Variants in AKAP6 observed in about 807,000 individuals in gnomAD.
AKAP6 encodes the protein A-kinase anchor protein 6.
Under a neutral mutation model 188.5 loss-of-function variants are expected in AKAP6, and 58 were observed. That is an observed-to-expected ratio of 0.31 (90% confidence interval 0.25 to 0.38). AKAP6 has a LOEUF of 0.38. Ranked by LOEUF, AKAP6 falls within the 10% of genes least tolerant of loss-of-function variation. The pLI, the probability that AKAP6 is intolerant of heterozygous loss-of-function variation, is 1.00. For missense variants in AKAP6, 2,710 were observed against 2,740.0 expected, an observed-to-expected ratio of 0.99 and a Z score of 0.24; for synonymous variants, 989 against 998.6, an observed-to-expected ratio of 0.99 and a Z score of 0.18.
At chr14:32,771,251 T>A (rs1055565662) in intron 11 of AKAP6, among the ~76,000 whole-genome samples, 2 of 151,674 alleles carry the variant, frequency 1.3e-5, no homozygotes, top group African/African-American at 4.8e-5. Flanking sequence ...AATTTTCCCC[T>A]CCTTTTTAAA....
At chr14:32,591,484 A>AG (rs1007609875) in intron 5 of AKAP6, among the ~76,000 whole-genome samples, 1 of 151,996 alleles carries the variant, frequency 6.6e-6, no homozygotes, top group African/African-American at 2.4e-5. Context: ...AAAAAAAAAA[A>AG]AAAGCAACTG....
intron 7 of AKAP6, among the ~76,000 whole-genome samples, chr14:32,660,650 T>C (rs1218238524): frequency 6.6e-6 from 1 of 152,216 alleles, no homozygotes; most frequent in East Asian, 1.9e-4. Flanking sequence ...TAAAGGAGTT[T>C]GTGAGGCCTA....
At chr14:32,347,738 T>C (rs1944189611) in intron 1 of AKAP6, among the ~76,000 whole-genome samples, 1 of 152,212 alleles carries the variant, frequency 6.6e-6, no homozygotes, top group South Asian at 2.1e-4. Flanking sequence ...AATGCTGACC[T>C]CTTGGGATTG....
chr14:32,752,931 GTTTAT>G (rs1251207890), intron 11 of AKAP6, among the ~76,000 whole-genome samples: 2 of 151,930 alleles, frequency 1.3e-5, no homozygotes, highest in Non-Finnish European at 2.9e-5. Context: ...GTATGAATGT[GTTTAT>G]CCCACATTTT....
chr14:32,660,937 C>CG (rs1888672091), intron 7 of AKAP6, among the ~76,000 whole-genome samples: 2 of 121,562 alleles, frequency 1.6e-5, no homozygotes, highest in Non-Finnish European at 1.7e-5. Flanking sequence ...CCCCCCCCTC[C>CG]CAATTCCAGC....
In AKAP6 at chr14:32,831,439, G is replaced by A. The variant is rs2034817682; in HGVS notation, c.*1634G>A. The A allele has an allele frequency of 6.6e-6, 1 of 152,134 alleles. No individual in the cohort carries two copies. The allele number at this position is 152,134 out of a possible 1,614,324, so 9.4% of individuals were successfully genotyped here. ...AGAAAGAGGTACAATGCAATATAAA[G>A]TCACAATAGATAATATATATCAAAT... On this transcript the variant is annotated 3_prime_UTR_variant, in exon 14 of 14. Transcript: ENST00000280979.
chr14:32,392,891 C>T (rs2025261), intron 1 of AKAP6, among the ~76,000 whole-genome samples: 116,052 of 152,036 alleles, frequency 0.76, 47,041 homozygotes, highest in Non-Finnish European at 0.89. Context: ...TTTCTTCTTA[C>T]AGTAGAACTC....
At chr14:32,755,645 AG>A (rs1299448548) in intron 11 of AKAP6, among the ~76,000 whole-genome samples, 1 of 151,938 alleles carries the variant, frequency 6.6e-6, no homozygotes, top group Non-Finnish European at 1.5e-5. Flanking sequence ...CCTCCACCTT[AG>A]CCTCCTGAGT....
intron 5 of AKAP6, among the ~76,000 whole-genome samples, chr14:32,597,703 A>G (rs1049975275): frequency 6.6e-6 from 1 of 152,192 alleles, no homozygotes; most frequent in Non-Finnish European, 1.5e-5. Context: ...ACTTTCTGTT[A>G]TATTGGCTGC....
intron 1 of AKAP6, among the ~76,000 whole-genome samples, chr14:32,351,253 G>T (rs10136452): frequency 0.29 from 44,607 of 152,004 alleles, 6,895 homozygotes; most frequent in East Asian, 0.4. Context: ...TCCTAAATTT[G>T]TGTTATATTA....
intron 4 of AKAP6, among the ~76,000 whole-genome samples, chr14:32,562,253 CAT>C (rs949942992): frequency 6.6e-6 from 1 of 151,902 alleles, no homozygotes; most frequent in African/African-American, 2.4e-5. Context: ...AGATGATACT[CAT>C]ATTTTTGGAT....
intron 7 of AKAP6, among the ~76,000 whole-genome samples, chr14:32,659,755 G>C (rs1194821673): frequency 1.3e-5 from 2 of 151,894 alleles, no homozygotes; most frequent in East Asian, 3.9e-4. Context: ...TCCTCAATAA[G>C]TATATACAAA....
At chr14:32,645,312 G>A (rs1043204348) in intron 7 of AKAP6, among the ~76,000 whole-genome samples, 2 of 152,126 alleles carry the variant, frequency 1.3e-5, no homozygotes, top group Non-Finnish European at 2.9e-5. Flanking sequence ...TATTTTATGT[G>A]AATCCCATTA....
intron 11 of AKAP6, among the ~76,000 whole-genome samples, chr14:32,747,053 A>G (rs948589628): frequency 1.3e-5 from 2 of 152,234 alleles, no homozygotes; most frequent in Admixed American, 6.5e-5. Context: ...AGCAGTTCAT[A>G]TGCTTTAAGA....
intron 8 of AKAP6, chr14:32,693,817 A>C (rs921989232): frequency 3.9e-5 from 6 of 152,216 alleles, no homozygotes; most frequent in Non-Finnish European, 7.3e-5. Flanking sequence ...CTGTATGATT[A>C]AAATATAGGA....
At chr14:32,520,005 C>G (rs1881734754) in intron 2 of AKAP6, among the ~76,000 whole-genome samples, 4 of 152,122 alleles carry the variant, frequency 2.6e-5, no homozygotes, top group Non-Finnish European at 5.9e-5. Flanking sequence ...TCTCTCAGAC[C>G]ACAAGGCAAT....
intron 12 of AKAP6, among the ~76,000 whole-genome samples, chr14:32,789,773 G>A (rs897641027): frequency 6.6e-6 from 1 of 152,124 alleles, no homozygotes; most frequent in Non-Finnish European, 1.5e-5. Context: ...AGAAAGAATC[G>A]ATGCAAGAAT....
intron 5 of AKAP6, among the ~76,000 whole-genome samples, chr14:32,586,424 T>C (rs1276132364): frequency 1.3e-5 from 2 of 152,100 alleles, no homozygotes; most frequent in East Asian, 3.8e-4. Flanking sequence ...GTCCAGGAGT[T>C]TGAGACCAAC....
chr14:32,487,166 C>T (rs1158328025), intron 2 of AKAP6, among the ~76,000 whole-genome samples: 1 of 152,180 alleles, frequency 6.6e-6, no homozygotes, highest in African/African-American at 2.4e-5. Context: ...AGTGATAAAG[C>T]TGACTTGATC....
Sources: allele counts gnomAD v4.1 joint callset (sites outside exome capture counted in the v4.1 genomes callset), GRCh38; gene constraint gnomAD v4.1.1; transcripts MANE v1.5; gene names NCBI Gene and HGNC (gene_info 2026-07-23, HGNC 2026-07-21).